AGBL2: variants seen among roughly 807,000 people sequenced by gnomAD.
The protein encoded by AGBL2 is AGBL carboxypeptidase 2, also known as cytosolic carboxypeptidase 2.
AGBL2 carries 87 observed loss-of-function variants against 103.0 expected under a neutral mutation model. That is an observed-to-expected ratio of 0.84 (90% CI 0.71 to 1.01). The LOEUF (loss-of-function observed/expected upper bound fraction) is 1.01. AGBL2 is among the 50% of genes least tolerant of loss of function. The pLI, the probability that AGBL2 is intolerant of heterozygous loss-of-function variation, is 0.00. For synonymous variants in AGBL2, 335 were observed against 356.7 expected (o/e 0.94, Z 0.69); for missense variants, 904 against 1,023.5 (o/e 0.88, Z 1.59).
At chr11:47,666,126 G>C (rs1474175365) in intron 17 of AGBL2, among the ~76,000 whole-genome samples, 3 of 152,084 alleles carry the variant, frequency 2.0e-5, no homozygotes, top group Non-Finnish European at 4.4e-5. Flanking sequence ...GGGCATGGTA[G>C]CTCATGCCTG....
intron 17 of AGBL2, among the ~76,000 whole-genome samples, chr11:47,665,828 G>A (rs1026699744): frequency 1.3e-5 from 2 of 151,826 alleles, no homozygotes; most frequent in Non-Finnish European, 2.9e-5. Flanking sequence ...TGGCCAACAT[G>A]GTGAAACCCC....
Position 47,685,934 on chromosome 11 carries a change from G to C in AGBL2, c.1747C>G (p.Arg583Gly). ...NNNRKYWLHERVFPLMLCKNA... is the reference protein window; with the variant it reads ...NNNRKYWLHEGVFPLMLCKNA... ...TTGCATAACATTAAAGGAAAGACTCGTTCATGAAGCCAGTATTTGCGATTG... is the reference window on the plus strand; with the variant it reads ...TTGCATAACATTAAAGGAAAGACTCCTTCATGAAGCCAGTATTTGCGATTG... The change falls in exon 11 of 19, where the codon CGA (arginine) becomes GGA (glycine). Residue 583 changes from arginine to glycine, a missense_variant. Coordinates refer to ENST00000525123, the MANE Select transcript of AGBL2 (RefSeq NM_024783.4). The C allele has an allele frequency of 6.2e-7, 1 of 1,613,960 alleles. No individual in the cohort carries two copies. The highest frequency in any genetic ancestry group is 8.5e-7 in the Non-Finnish European group (1 of 1,179,944).
chr11:47,665,874 T>C (rs1192555827), intron 17 of AGBL2, among the ~76,000 whole-genome samples: 3 of 152,004 alleles, frequency 2.0e-5, no homozygotes, highest in African/African-American at 7.2e-5. Context: ...CCAGGCAAGG[T>C]GGCATGTGCC....
At chr11:47,677,474 A>G in intron 13 of AGBL2, 73 bp from the exon 14 acceptor site, 1 of 1,001,930 alleles carries the variant, frequency 1.0e-6, no homozygotes, top group East Asian at 4.5e-5. Flanking sequence ...TATTTTTGAG[A>G]CGGAGTTTGA....
At position 47,690,321 on chromosome 11, in the gene AGBL2, G is replaced by A. The variant is rs1232537888; in HGVS notation, c.1386C>T (p.His462=). The A allele has an allele frequency of 3.7e-6, 6 of 1,613,724 alleles. No homozygotes were observed. In the East Asian group the frequency reaches 1.1e-4, roughly 30 times the overall value. Residue 462 remains histidine, a synonymous_variant, in exon 10 of 19, where the codon CAC becomes CAT. Transcript: ENST00000525123. ...KKAVVLSARV[H]PGESNGSWVM... is the part of the protein sequence containing the mutation. ...CCCAGGAGCCATTACTTTCTCCAGG[G>A]TGAACTCTGGCACTCAAGACCACAG...
chr11:47,700,998 G>C (rs2097496586), intron 7 of AGBL2, among the ~76,000 whole-genome samples: 1 of 151,706 alleles, frequency 6.6e-6, no homozygotes, highest in African/African-American at 2.4e-5. Context: ...AGAGGCTGCA[G>C]TGAGCTGACG....
chr11:47,693,538 TGA>T (rs34723758), intron 8 of AGBL2, among the ~76,000 whole-genome samples: 89,506 of 151,572 alleles, frequency 0.59, 26,741 homozygotes, highest in Admixed American at 0.65. Context: ...ACCAAAAATA[TGA>T]GTTTATTTTT....
chr11:47,695,164 C>CAAAACA (rs1442146026), intron 8 of AGBL2, among the ~76,000 whole-genome samples: 2 of 147,744 alleles, frequency 1.4e-5, no homozygotes, highest in African/African-American at 5.0e-5. Flanking sequence ...AACAAACAAA[C>CAAAACA]AAAACAAAAA....
rs1288634306 is a variant in AGBL2 at position 47,695,489 on chromosome 11, A to AC, written c.695-3234_695-3233insG. Among the ~76,000 whole-genome samples, 8 of 142,174 alleles carry AC rather than the reference A, an allele frequency of 5.6e-5. No individual in the cohort carries two copies. The South Asian group carries it at 1.6e-3, about 28-fold the overall frequency. The allele number at this position is 142,174 out of a possible 152,430, so 93.3% of individuals were successfully genotyped here. A position where few individuals can be genotyped will look rare whatever the true frequency, so the allele number is the denominator to read the frequency against. On this transcript the variant is annotated intron_variant, in intron 8 of 18. Transcript: ENST00000525123. ...AAACTCTGTCTCAAAAAAAAAAAAA[A>AC]AAAAAACAGTTGAGGGGAATGGGAC...
chr11:47,664,487 C>T (rs1167836089), intron 17 of AGBL2, among the ~76,000 whole-genome samples: 1 of 151,594 alleles, frequency 6.6e-6, no homozygotes, highest in African/African-American at 2.4e-5. Context: ...TCTCGGCTCA[C>T]TGCAACCTCT....
intron 15 of AGBL2, 145 bp downstream of exon 15, chr11:47,668,696 G>A: frequency 1.7e-6 from 1 of 580,462 alleles, no homozygotes; most frequent in Non-Finnish European, 3.1e-6. Flanking sequence ...CAAAACAAGA[G>A]ACTTTAGGGC....
chr11:47,660,144 A>G lies in AGBL2; in HGVS notation c.*29T>C, dbSNP rs767694019. 3.8e-6 allele frequency: 6 copies of G among 1,577,476 alleles called. No homozygotes were observed. The South Asian group carries it at 7.0e-5, about 18-fold the overall frequency. ...TGTCTAATCTCAAAACCCCCGATGA[A>G]GTGCTTGTGTGGCACAGCCCAGGCT... On this transcript the variant is annotated 3_prime_UTR_variant, in exon 19 of 19. Transcript: ENST00000525123.
rs540365012 is a variant in AGBL2, at chr11:47,686,224, T to C, written c.1632-175A>G. Reference sequence around the variant, plus strand: ...CCATTCTCAGCCACTGCAGAAAACATGTCATCAGCTTGCCTTGCCAGTCAG... The same window carrying C: ...CCATTCTCAGCCACTGCAGAAAACACGTCATCAGCTTGCCTTGCCAGTCAG... On this transcript the variant is annotated intron_variant, in intron 10 of 18. Transcript: ENST00000525123. Among the ~76,000 whole-genome samples the C allele has an allele frequency of 7.9e-5, 12 of 152,196 alleles. No homozygotes were observed. In the South Asian group the frequency reaches 2.5e-3, roughly 32 times the overall value.
At chr11:47,691,783 C>T (rs2097448441) in intron 9 of AGBL2, among the ~76,000 whole-genome samples, 1 of 115,240 alleles carries the variant, frequency 8.7e-6, no homozygotes, top group African/African-American at 3.3e-5. Context: ...TATACACACA[C>T]AGAAAAATAT....
intron 12 of AGBL2, among the ~76,000 whole-genome samples, chr11:47,681,374 G>A (rs2097400564): frequency 6.6e-6 from 1 of 151,472 alleles, no homozygotes; most frequent in Non-Finnish European, 1.5e-5. Context: ...AAAAAATGAA[G>A]TTCAAAAAGG....
At chr11:47,714,978 C>T in intron 1 of AGBL2, 197 bp downstream of exon 1, 1 of 344,528 alleles carries the variant, frequency 2.9e-6, no homozygotes, top group Non-Finnish European at 5.5e-6. Context: ...AAAGGAGATG[C>T]TCGCCACAGG....
chr11:47,691,729 A>AAAAAAAATATATAT, intron 9 of AGBL2, among the ~76,000 whole-genome samples: 6 of 4,856 alleles, frequency 1.2e-3, no homozygotes, highest in African/African-American at 4.3e-3. Flanking sequence ...AAAAAAAAAA[A>AAAAAAAATATATAT]ATATATATAT....
chr11:47,708,287 C>T lies in AGBL2; in HGVS notation c.232+2090G>A, dbSNP rs998945947. Among the ~76,000 whole-genome samples the T allele has an allele frequency of 4.0e-5, 6 of 151,238 alleles. No individual in the cohort carries two copies. In the South Asian group the frequency reaches 6.3e-4, roughly 16 times the overall value. ...TTCACCAAATTGGCCAGGCTGGCTT[C>T]GAACTCCTGACCTCAGGTGATCCGC... On this transcript the variant is annotated intron_variant, in intron 4 of 18. Transcript: ENST00000525123.
At chr11:47,704,758 T>C (rs764967492) in intron 6 of AGBL2, 30 bp from the exon 7 acceptor site, 2 of 1,589,642 alleles carry the variant, frequency 1.3e-6, no homozygotes, top group South Asian at 2.2e-5. Flanking sequence ...TAAGTGAACA[T>C]CTTCCTTTTC....
Sources: allele counts gnomAD v4.1 joint callset (sites outside exome capture counted in the v4.1 genomes callset), GRCh38; gene constraint gnomAD v4.1.1; transcripts MANE v1.5; gene names NCBI Gene and HGNC (gene_info 2026-07-23, HGNC 2026-07-21).